The following MYEF2 variants were observed in gnomAD, a reference collection of about 807,000 sequenced individuals.
The protein encoded by MYEF2 is myelin expression factor 2, also known as myelin gene expression factor 2.
MYEF2 carries 37 observed loss-of-function variants against 75.2 expected under a neutral mutation model. The ratio of observed to expected loss-of-function variants is 0.49; its 90% CI spans 0.38 to 0.65. The LOEUF (loss-of-function observed/expected upper bound fraction) is 0.65. Among genes scored for constraint, MYEF2 ranks in the 30% least tolerant of loss-of-function variants. MYEF2 has a pLI of 0.00. For synonymous variants in MYEF2, 195 were observed against 241.6 expected (o/e 0.81, Z 1.79); for missense variants, 634 against 771.4 (o/e 0.82, Z 2.11).
In MYEF2 at chr15:48,141,296, C is replaced by T. The variant is rs2039074905; in HGVS notation, c.*1612G>A. The T allele has an allele frequency of 1.7e-6, 2 of 1,199,764 alleles. No homozygotes were observed. The highest frequency in any genetic ancestry group is 2.6e-5 in the South Asian group (2 of 76,706). 74.3% of individuals were successfully genotyped at this position (1,199,764 alleles called of 1,614,324 possible). A position where few individuals can be genotyped will look rare whatever the true frequency, so the allele number is the denominator to read the frequency against. ...AAGTAGCTTTAAAAATGTTTACTTC[C>T]AGCCGGGTGTGGTGGCTCGCGCCTG... On this transcript the variant is annotated 3_prime_UTR_variant, in exon 17 of 17. Coordinates refer to ENST00000324324, the MANE Select transcript of MYEF2 (RefSeq NM_016132.5).
rs2039817197 is a variant in MYEF2 at position 48,158,907 on chromosome 15, C to A, written c.733G>T (p.Gly245Cys). Residue 245 changes from glycine (G) to cysteine (C), a missense_variant, in exon 7 of 17, where the codon GGT becomes TGT. By Grantham distance (159) the Gly-to-Cys change is radical. Coordinates refer to ENST00000324324, the MANE Select transcript of MYEF2 (RefSeq NM_016132.5). ...IFVANLDFKV[G>C]WKKLKEVFSI... is the part of the protein sequence containing the mutation. The stretch of plus-strand genomic sequence containing the variant: ...AACACTTCCTTTAGCTTCTTCCAAC[C>A]AACTTTGAAGTCAAGCTTAATATAA... 2 of 1,613,326 alleles carry A rather than the reference C, an allele frequency of 1.2e-6. No individual in the cohort carries two copies. The highest frequency in any genetic ancestry group is 1.7e-6 in the Non-Finnish European group (2 of 1,179,590).
rs375342833 is a variant in MYEF2, at chr15:48,142,311, G to C, written c.*597C>G. 25 of 1,609,090 alleles carry C rather than the reference G, an allele frequency of 1.6e-5. No homozygotes were observed. In the East Asian group the frequency reaches 2.7e-4, roughly 17 times the overall value. On this transcript the variant is annotated 3_prime_UTR_variant, in exon 17 of 17. Transcript: ENST00000324324. ...ACATTATCAGTTCTATATGAACTTG[G>C]AATTATTGGAAATAATAAAATAAGG...
rs1452770806 is a variant in MYEF2, at chr15:48,142,164, C to A, written c.*744G>T. The A allele has an allele frequency of 6.2e-7, 1 of 1,613,750 alleles. No individual in the cohort carries two copies. Among genetic ancestry groups the A allele is most frequent in the Non-Finnish European group, 8.5e-7 (1 of 1,179,908 alleles). ...GCAGAAGTAAACAGCAGAGGACTAA[C>A]TTACATAACCATCTCTCTCAACATT... is the stretch of plus-strand genomic sequence containing the variant. On this transcript the variant is annotated 3_prime_UTR_variant, in exon 17 of 17. Coordinates refer to ENST00000324324, the MANE Select transcript of MYEF2 (RefSeq NM_016132.5).
intron 2 of MYEF2, 81 bp from the exon 3 acceptor site, chr15:48,167,482 ACAACT>A: frequency 7.7e-6 from 10 of 1,302,718 alleles, no homozygotes; most frequent in Non-Finnish European, 1.1e-5. Context: ...ACACCTGTGC[ACAACT>A]CTACAGAGAA....
rs570401246 is a variant in MYEF2 at position 48,175,291 on chromosome 15, A to C, written c.161+2786T>G. Among the ~76,000 whole-genome samples, 4 of 152,288 alleles carry C rather than the reference A, an allele frequency of 2.6e-5. No homozygotes were observed. The East Asian group carries it at 7.7e-4, about 29-fold the overall frequency. ...GTCAAACTCAGAAGCAGAGAGTAGA[A>C]GGGTGTTTACCAGAGGTGGAGGGCA... On this transcript the variant is annotated intron_variant, in intron 1 of 16. Transcript: ENST00000324324.
chr15:48,145,410 T>C (rs2039245335), intron 16 of MYEF2, among the ~76,000 whole-genome samples: 1 of 151,918 alleles, frequency 6.6e-6, no homozygotes, highest in Non-Finnish European at 1.5e-5. Flanking sequence ...GAGAACTTCC[T>C]CAACTAAGTT....
At position 48,142,035 on chromosome 15, in the gene MYEF2, G is replaced by A. The variant is rs758699282; in HGVS notation, c.*873C>T. 2 of 1,606,308 alleles carry A rather than the reference G, an allele frequency of 1.2e-6. No individual in the cohort carries two copies. The highest frequency in any genetic ancestry group is 1.7e-6 in the Non-Finnish European group (2 of 1,175,186). ...GTATGCTTTTCTTTTGTAGGGAAAGGAGATATGGCTATGTCTAACATCGTG... is the reference window on the plus strand; with the variant it reads ...GTATGCTTTTCTTTTGTAGGGAAAGAAGATATGGCTATGTCTAACATCGTG... On this transcript the variant is annotated 3_prime_UTR_variant, in exon 17 of 17. Coordinates refer to ENST00000324324, the MANE Select transcript of MYEF2 (RefSeq NM_016132.5).
At chr15:48,175,551 C>G (rs546041255) in intron 1 of MYEF2, among the ~76,000 whole-genome samples, 1 of 152,058 alleles carries the variant, frequency 6.6e-6, no homozygotes, top group Non-Finnish European at 1.5e-5. Context: ...TATTTGTATA[C>G]CAAACCATCA....
At chr15:48,158,441 T>A (rs893338685) in intron 7 of MYEF2, among the ~76,000 whole-genome samples, 9 of 152,156 alleles carry the variant, frequency 5.9e-5, no homozygotes, top group African/African-American at 2.2e-4. Flanking sequence ...ATTCAACCAT[T>A]GAAAAAAGTA....
At chr15:48,158,696 C>A (rs2039805990) in intron 7 of MYEF2, 73 bp downstream of exon 7, 1 of 1,559,320 alleles carries the variant, frequency 6.4e-7, no homozygotes, top group South Asian at 1.2e-5. Context: ...AATTCAATTA[C>A]CCCCCGCCAA....
chr15:48,136,965 T>C lies in MYEF2; in HGVS notation c.*5943A>G, dbSNP rs757960224. 2.5e-6 allele frequency: 4 copies of C among 1,604,214 alleles called. No homozygotes were observed. The Admixed American group carries it at 6.7e-5, about 27-fold the overall frequency. ...ATGGCCTTAGTCAGGTTTCTGAAGG[T>C]AATCACTAAATCTTGCCCATTATTA... On this transcript the variant is annotated 3_prime_UTR_variant, in exon 17 of 17. Coordinates refer to ENST00000324324, the MANE Select transcript of MYEF2 (RefSeq NM_016132.5).
rs1389258925 is a variant in MYEF2 at position 48,140,638 on chromosome 15, A to C, written c.*2270T>G. On this transcript the variant is annotated 3_prime_UTR_variant, in exon 17 of 17. Transcript: ENST00000324324. ...CTCCCCCGCCCTGCCAAAGCCCACTAAATTAAGGTATATCACTAAAGTAGA... is the reference window on the plus strand; with the variant it reads ...CTCCCCCGCCCTGCCAAAGCCCACTCAATTAAGGTATATCACTAAAGTAGA... 1 of 150,872 alleles carries C rather than the reference A, an allele frequency of 6.6e-6. No individual in the cohort carries two copies. Among genetic ancestry groups the C allele is most frequent in the Middle Eastern group, 3.2e-3 (1 of 314 alleles). 9.3% of individuals were successfully genotyped at this position (150,872 alleles called of 1,614,324 possible).
chr15:48,157,130 T>G (rs1440444809), intron 9 of MYEF2: 1 of 152,086 alleles, frequency 6.6e-6, no homozygotes, highest in East Asian at 1.9e-4. Context: ...AGTGAAATAG[T>G]AAAAACAATA....
At chr15:48,172,952 C>G (rs1674871799) in intron 1 of MYEF2, among the ~76,000 whole-genome samples, 1 of 152,174 alleles carries the variant, frequency 6.6e-6, no homozygotes, top group South Asian at 2.1e-4. Context: ...CCTTGTCAAA[C>G]TGTTCCAAAA....
intron 16 of MYEF2, among the ~76,000 whole-genome samples, chr15:48,147,584 G>T: frequency 6.6e-6 from 1 of 151,736 alleles, no homozygotes; most frequent in Admixed American, 6.6e-5. Context: ...ACTCATTCTG[G>T]TAGATCTTCT....
Position 48,141,064 on chromosome 15 carries a change from G to T in MYEF2, c.*1844C>A. 7.0e-7 allele frequency: 1 copy of T among 1,423,028 alleles called. No individual in the cohort carries two copies. Among genetic ancestry groups the T allele is most frequent in the Non-Finnish European group, 9.9e-7 (1 of 1,013,458 alleles). The allele number at this position is 1,423,028 out of a possible 1,614,324, so 88.2% of individuals were successfully genotyped here. ...AATATCCAAAATAACTGCAAAGGAT[G>T]GTTAGTGAATCTTTAAGATTTGTAA... is the stretch of plus-strand genomic sequence containing the variant. On this transcript the variant is annotated 3_prime_UTR_variant, in exon 17 of 17. Transcript: ENST00000324324.
chr15:48,136,461 T>TAAA lies in MYEF2; in HGVS notation c.*6444_*6446dup. 13 of 314,748 alleles carry TAAA rather than the reference T, an allele frequency of 4.1e-5. No homozygotes were observed. Among genetic ancestry groups the TAAA allele is most frequent in the Non-Finnish European group, 6.8e-5 (12 of 177,298 alleles). 19.5% of individuals were successfully genotyped at this position (314,748 alleles called of 1,614,324 possible). A position where few individuals can be genotyped will look rare whatever the true frequency, so the allele number is the denominator to read the frequency against. On this transcript the variant is annotated 3_prime_UTR_variant, in exon 17 of 17. Coordinates refer to ENST00000324324, the MANE Select transcript of MYEF2 (RefSeq NM_016132.5). Reference sequence around the variant, plus strand: ...AAAACGAGTTTGTTGATCTTGTTTTTAAAAAAAAAAAAACAACACAGAAGT... The same window carrying TAAA: ...AAAACGAGTTTGTTGATCTTGTTTTTAAAAAAAAAAAAAAAACAACACAGAAGT...
Position 48,178,203 on chromosome 15 carries a change from G to T in MYEF2, c.35C>A (p.Ala12Asp), listed in dbSNP as rs1221934135. Residue 12 changes from alanine to aspartate, a missense_variant, in exon 1 of 17, where the codon GCC (alanine) becomes GAC (aspartate). Transcript: ENST00000324324. The part of the protein sequence containing the change: ...ADANKAEVPG[A>D]TGGDSPHLQP... ...CAGGTGCGGGCTGTCGCCACCAGTGGCCCCGGGCACCTCGGCCTTGTTGGC... is the reference window on the plus strand; with the variant it reads ...CAGGTGCGGGCTGTCGCCACCAGTGTCCCCGGGCACCTCGGCCTTGTTGGC... 6 of 1,494,702 alleles carry T rather than the reference G, an allele frequency of 4.0e-6. No individual in the cohort carries two copies. The highest frequency in any genetic ancestry group is 4.4e-6 in the Non-Finnish European group (5 of 1,124,592). 92.6% of individuals were successfully genotyped at this position (1,494,702 alleles called of 1,614,324 possible).
chr15:48,176,200 C>T (rs1180587542), intron 1 of MYEF2, among the ~76,000 whole-genome samples: 5 of 146,872 alleles, frequency 3.4e-5, no homozygotes, highest in Non-Finnish European at 6.0e-5. Context: ...TTGTTATCCA[C>T]TCCTACTAGT....
Sources: gnomAD v4.1 joint callset for allele counts (sites outside exome capture counted in the v4.1 genomes callset) on GRCh38, gnomAD v4.1.1 for gene constraint, MANE v1.5 for transcripts, NCBI Gene and HGNC (gene_info 2026-07-23, HGNC 2026-07-21) for gene names.